The following ADGRL2 variants were observed in gnomAD, a reference collection of about 807,000 sequenced individuals.
ADGRL2 encodes calcium-independent alpha-latrotoxin receptor 2.
A neutral mutation model predicts 157.4 loss-of-function variants in ADGRL2; 44 were observed. The ratio of observed to expected loss-of-function variants is 0.28; its 90% CI spans 0.22 to 0.36. The LOEUF (loss-of-function observed/expected upper bound fraction) is 0.36. Among genes scored for constraint, ADGRL2 ranks in the 10% least tolerant of loss-of-function variants. The pLI is 1.00. For synonymous variants in ADGRL2, 585 were observed against 624.7 expected (o/e 0.94, Z 0.95); for missense variants, 1,510 against 1,768.9 (o/e 0.85, Z 2.63).
intron 2 of ADGRL2, among the ~76,000 whole-genome samples, chr1:81,903,176 T>C (rs937939370): frequency 1.3e-5 from 2 of 152,192 alleles, no homozygotes; most frequent in Non-Finnish European, 2.9e-5. Context: ...ACCCATATAC[T>C]CATACTTCAG....
intron 4 of ADGRL2, 32 bp downstream of exon 4, chr1:81,936,869 T>C: frequency 7.6e-7 from 1 of 1,309,642 alleles, no homozygotes; most frequent in Non-Finnish European, 1.1e-6. Flanking sequence ...TTTTACACTT[T>C]GCCCAGCATT....
chr1:81,979,764 T>A, intron 17 of ADGRL2, 105 bp from the exon 18 acceptor site: 9 of 646,174 alleles, frequency 1.4e-5, no homozygotes, highest in Non-Finnish European at 2.5e-5. Flanking sequence ...ATAAAAAAAA[T>A]TATATCAGTA....
chr1:81,366,461 C>T (rs2100952423), intron 1 of ADGRL2, among the ~76,000 whole-genome samples: 1 of 152,246 alleles, frequency 6.6e-6, no homozygotes, highest in East Asian at 1.9e-4. Flanking sequence ...AAATTAAACA[C>T]AGAACTTATT....
At chr1:81,857,819 T>C (rs1231015943) in intron 2 of ADGRL2, among the ~76,000 whole-genome samples, 1 of 152,168 alleles carries the variant, frequency 6.6e-6, no homozygotes, top group Non-Finnish European at 1.5e-5. Flanking sequence ...TTTTGGCATT[T>C]TTGGAGAGAA....
At chr1:81,952,187 G>A in intron 9 of ADGRL2, 45 bp downstream of exon 9, 3 of 1,487,052 alleles carry the variant, frequency 2.0e-6, no homozygotes, top group Non-Finnish European at 2.7e-6. Flanking sequence ...ACTTGGTATG[G>A]CAGCTCTTTC....
Position 81,374,910 on chromosome 1 carries a change from T to G in ADGRL2, c.-302+68401T>G, listed in dbSNP as rs1057340558. Among the ~76,000 whole-genome samples the G allele has an allele frequency of 3.3e-5, 5 of 152,316 alleles. No individual in the cohort carries two copies. The East Asian group carries it at 9.7e-4, about 29-fold the overall frequency. On this transcript the variant is annotated intron_variant, in intron 1 of 24. Transcript: ENST00000370721. ...GTACTGAAGACACAGAGATCCATCCTTTGCCTCCTGACTTCCTGAGTCCAG... is the reference window on the plus strand; with the variant it reads ...GTACTGAAGACACAGAGATCCATCCGTTGCCTCCTGACTTCCTGAGTCCAG...
At chr1:81,458,599 G>A (rs965709483) in intron 2 of ADGRL2, among the ~76,000 whole-genome samples, 13 of 152,268 alleles carry the variant, frequency 8.5e-5, no homozygotes, top group African/African-American at 2.9e-4. Context: ...TGCACTACTG[G>A]CCCAGATCCC....
chr1:81,627,228 A>C (rs1434827094), intron 3 of ADGRL2, among the ~76,000 whole-genome samples: 7 of 152,242 alleles, frequency 4.6e-5, no homozygotes, highest in Admixed American at 3.3e-4. Context: ...CCACATACTT[A>C]AATGTATATA....
At chr1:81,675,548 G>T (rs1200605688) in intron 3 of ADGRL2, among the ~76,000 whole-genome samples, 1 of 149,864 alleles carries the variant, frequency 6.7e-6, no homozygotes, top group Non-Finnish European at 1.5e-5. Flanking sequence ...AAAGAAATTT[G>T]TCCAGGCATT....
chr1:81,650,177 A>T (rs2082386596), intron 3 of ADGRL2, among the ~76,000 whole-genome samples: 2 of 152,048 alleles, frequency 1.3e-5, no homozygotes, highest in Admixed American at 6.6e-5. Flanking sequence ...CTTGTTCTTC[A>T]CTCAGGCTCT....
intron 1 of ADGRL2, among the ~76,000 whole-genome samples, chr1:81,719,811 C>T (rs2084238194): frequency 6.6e-6 from 1 of 152,246 alleles, no homozygotes; most frequent in Admixed American, 6.5e-5. Flanking sequence ...AGCATGTTGA[C>T]TCAGAGCGTT....
chr1:81,368,626 C>T (rs1427580893), intron 1 of ADGRL2, among the ~76,000 whole-genome samples: 1 of 152,164 alleles, frequency 6.6e-6, no homozygotes, highest in Non-Finnish European at 1.5e-5. Flanking sequence ...CCCCAAATGG[C>T]ATACAAAGCC....
chr1:81,424,005 G>A (rs923806067), intron 1 of ADGRL2, among the ~76,000 whole-genome samples: 1 of 152,188 alleles, frequency 6.6e-6, no homozygotes, highest in Admixed American at 6.5e-5. Context: ...TAGTTAAGAA[G>A]CTACAAATGA....
intron 1 of ADGRL2, among the ~76,000 whole-genome samples, chr1:81,829,041 A>G (rs1298237144): frequency 6.6e-6 from 1 of 151,930 alleles, no homozygotes; most frequent in Non-Finnish European, 1.5e-5. Flanking sequence ...CCTCCCGAGT[A>G]GCTGGGATTA....
At chr1:81,363,090 T>C (rs1263572514) in intron 1 of ADGRL2, among the ~76,000 whole-genome samples, 1 of 152,116 alleles carries the variant, frequency 6.6e-6, no homozygotes, top group Non-Finnish European at 1.5e-5. Flanking sequence ...TACTGGTAGA[T>C]ATTTATTAAG....
chr1:81,554,826 C>A (rs1177473955), intron 2 of ADGRL2, among the ~76,000 whole-genome samples: 1 of 151,912 alleles, frequency 6.6e-6, no homozygotes, highest in Non-Finnish European at 1.5e-5. Context: ...GTTCCAGATA[C>A]CATATACACA....
At chr1:81,581,908 A>C (rs1157046236) in intron 3 of ADGRL2, among the ~76,000 whole-genome samples, 1 of 144,048 alleles carries the variant, frequency 6.9e-6, no homozygotes, top group Non-Finnish European at 1.5e-5. Context: ...ACACACACAC[A>C]CACCCCTGCC....
intron 1 of ADGRL2, among the ~76,000 whole-genome samples, chr1:81,397,217 C>T (rs1337047658): frequency 1.3e-5 from 2 of 151,456 alleles, no homozygotes; most frequent in Non-Finnish European, 2.9e-5. Flanking sequence ...GGGAATTTAT[C>T]CATTTCCACT....
chr1:81,648,604 G>C (rs992821622), intron 3 of ADGRL2, among the ~76,000 whole-genome samples: 4 of 152,124 alleles, frequency 2.6e-5, no homozygotes, highest in African/African-American at 9.7e-5. Context: ...TGCACTAGAC[G>C]GGAGAGGGGA....
Sources: gnomAD v4.1 joint callset for allele counts (sites outside exome capture counted in the v4.1 genomes callset) on GRCh38, gnomAD v4.1.1 for gene constraint, MANE v1.5 for transcripts, NCBI Gene and HGNC (gene_info 2026-07-23, HGNC 2026-07-21) for gene names.